MTUS1: variants seen among roughly 807,000 people sequenced by gnomAD.
MTUS1 encodes microtubule associated scaffold protein 1.
Under a neutral mutation model 120.8 loss-of-function variants are expected in MTUS1, and 109 were observed. The observed-to-expected ratio is 0.90, with a 90% CI of 0.77 to 1.06. The LOEUF (loss-of-function observed/expected upper bound fraction) is 1.06, where lower values mean the gene tolerates loss of function less well. Among genes scored for constraint, MTUS1 ranks in the 50% least tolerant of loss-of-function variants. The probability of loss-of-function intolerance (pLI) is 0.00; values close to 1 mark genes in which losing one functional copy is unlikely to be tolerated. For missense variants in MTUS1, 2,210 were observed against 1,486.3 expected, an observed-to-expected ratio of 1.49 and a Z score of -8.01; for synonymous variants, 737 against 550.5, an observed-to-expected ratio of 1.34 and a Z score of -4.74.
In MTUS1 at chr8:17,664,264, G is replaced by A. The variant is rs185233561; in HGVS notation, c.2906-8199C>T. 1.2e-3 allele frequency among the ~76,000 whole-genome samples: 181 copies of A among 152,260 alleles called. 2 individuals carry two copies. The highest frequency in any genetic ancestry group is 3.4e-3 in the Middle Eastern group (1 of 294). ...CGCAATAGAATTTTCCTAATTTGGA[G>A]GAGATTTTATGTAAATCAGAACTAA... On this transcript the variant is annotated intron_variant, in intron 8 of 14. Transcript: ENST00000693296.
chr8:17,751,992 C>A (rs554891728), intron 2 of MTUS1, among the ~76,000 whole-genome samples: 2 of 151,448 alleles, frequency 1.3e-5, no homozygotes, highest in African/African-American at 4.8e-5. Context: ...ATTATGAATC[C>A]TAACAGCCAG....
chr8:17,679,036 G>T (rs574358436), intron 7 of MTUS1, among the ~76,000 whole-genome samples: 1 of 152,316 alleles, frequency 6.6e-6, no homozygotes, highest in East Asian at 1.9e-4. Flanking sequence ...AAGAATGTCT[G>T]ATATGTAATG....
intron 2 of MTUS1, among the ~76,000 whole-genome samples, chr8:17,744,366 CCTTAT>C (rs899110896): frequency 1.7e-3 from 264 of 152,240 alleles, no homozygotes; most frequent in African/African-American, 6.3e-3. Flanking sequence ...CTCCACAGCC[CCTTAT>C]CTTATCTTAA....
chr8:17,696,971 G>A (rs970742908), intron 6 of MTUS1, among the ~76,000 whole-genome samples: 3 of 152,172 alleles, frequency 2.0e-5, no homozygotes, highest in Non-Finnish European at 4.4e-5. Context: ...AACAGGTGCT[G>A]ATTTTCACAC....
In MTUS1 at chr8:17,755,296, G is replaced by A. The variant is rs773216790; in HGVS notation, c.512C>T (p.Thr171Ile). ...TCCGATGGCATGATGTGATATAAAG[G>A]TGCAGTTAACTTTATCCACTGTCAT... Reference protein sequence around the residue: ...FDMTVDKVNCTFISHHAIGKS... With the variant: ...FDMTVDKVNCIFISHHAIGKS... The change falls in exon 2 of 15, where the codon ACC becomes ATC. Residue 171 changes from threonine to isoleucine, a missense_variant. Physicochemically the swap from Thr to Ile is moderately conservative, Grantham distance 89. Coordinates refer to ENST00000693296, the MANE Select transcript of MTUS1 (RefSeq NM_001363059.2). 6.2e-7 allele frequency: 1 copy of A among 1,613,980 alleles called. No homozygotes were observed. The highest frequency in any genetic ancestry group is 8.5e-7 in the Non-Finnish European group (1 of 1,179,984).
At chr8:17,706,541 G>A (rs1487249555) in intron 6 of MTUS1, among the ~76,000 whole-genome samples, 1 of 152,202 alleles carries the variant, frequency 6.6e-6, no homozygotes, top group Non-Finnish European at 1.5e-5. Context: ...AATATCCAAT[G>A]TTGACCCAAG....
chr8:17,684,374 G>A lies in MTUS1; in HGVS notation c.2792C>T (p.Thr931Ile), dbSNP rs756053573. The A allele has an allele frequency of 2.5e-6, 4 of 1,614,040 alleles. No individual in the cohort carries two copies. Among genetic ancestry groups the A allele is most frequent in the African/African-American group, 1.3e-5 (1 of 74,924 alleles). The stretch of plus-strand genomic sequence containing the variant: ...CACAACTGTCAATGCCTCAAACTTG[G>A]TATTACCACAGGCAAGAAGCTGCTT... The part of the protein sequence containing the change: ...QLKQLLACGN[T>I]KFEALTVVIQ... Residue 931 changes from threonine to isoleucine, a missense_variant, in exon 7 of 15, where the codon ACC becomes ATC. Transcript: ENST00000693296.
At chr8:17,670,822 T>TAAAAAAAAA (rs540891587) in intron 8 of MTUS1, among the ~76,000 whole-genome samples, 3,339 of 148,822 alleles carry the variant, frequency 0.022, 115 homozygotes, top group African/African-American at 0.079. Context: ...ACCCTGTCTT[T>TAAAAAAAAA]AAAAAAAAAA....
At chr8:17,789,604 T>C (rs2051601249) in intron 1 of MTUS1, among the ~76,000 whole-genome samples, 1 of 152,320 alleles carries the variant, frequency 6.6e-6, no homozygotes, top group East Asian at 1.9e-4. Flanking sequence ...TTTATGTGTG[T>C]GTAGTTACGC....
At chr8:17,693,217 G>A (rs892811053) in intron 6 of MTUS1, 7 of 152,132 alleles carry the variant, frequency 4.6e-5, no homozygotes, top group Non-Finnish European at 1.0e-4. Context: ...GAAATAGACC[G>A]AGTTTAATAC....
intron 6 of MTUS1, among the ~76,000 whole-genome samples, chr8:17,694,549 T>A (rs1291588926): frequency 6.6e-6 from 1 of 152,082 alleles, no homozygotes; most frequent in Non-Finnish European, 1.5e-5. Flanking sequence ...GCACCTGTAA[T>A]CCCAGCTACT....
intron 6 of MTUS1, among the ~76,000 whole-genome samples, chr8:17,700,426 T>C (rs7834243): frequency 0.62 from 88,506 of 143,598 alleles, 27,496 homozygotes; most frequent in Middle Eastern, 0.72. Flanking sequence ...GCAGAGATTG[T>C]GCCATTGCAC....
chr8:17,693,057 T>C (rs1476937846), intron 6 of MTUS1, among the ~76,000 whole-genome samples: 4 of 152,132 alleles, frequency 2.6e-5, no homozygotes, highest in Non-Finnish European at 5.9e-5. Flanking sequence ...CCTGTGAGGT[T>C]CAAATGGCAC....
At chr8:17,751,755 G>T (rs1020316286) in intron 2 of MTUS1, among the ~76,000 whole-genome samples, 2 of 151,200 alleles carry the variant, frequency 1.3e-5, no homozygotes, top group African/African-American at 4.9e-5. Context: ...CTACCTGGGA[G>T]GCTGAGGCAG....
intron 2 of MTUS1, among the ~76,000 whole-genome samples, chr8:17,752,637 TC>T (rs56264310): frequency 0.098 from 14,876 of 152,166 alleles, 815 homozygotes; most frequent in South Asian, 0.16. Context: ...TCCCTTGTGG[TC>T]CCCATGCACC....
At chr8:17,767,099 C>G (rs1418919150) in intron 1 of MTUS1, among the ~76,000 whole-genome samples, 1 of 141,734 alleles carries the variant, frequency 7.1e-6, no homozygotes, top group African/African-American at 2.6e-5. Flanking sequence ...AGAATAATGA[C>G]AAATGGTTTT....
intron 8 of MTUS1, among the ~76,000 whole-genome samples, chr8:17,661,561 G>T (rs78577948): frequency 6.6e-6 from 1 of 151,934 alleles, no homozygotes; most frequent in African/African-American, 2.4e-5. Context: ...TGTAATTGTG[G>T]CACATCAGCC....
intron 5 of MTUS1, among the ~76,000 whole-genome samples, chr8:17,713,980 C>G (rs138850371): frequency 2.6e-5 from 4 of 152,288 alleles, no homozygotes; most frequent in Admixed American, 1.3e-4. Context: ...TTTTAGAATT[C>G]TGAGTCTCCT....
chr8:17,647,231 G>C (rs1285265962), intron 13 of MTUS1, 152 bp from the exon 14 acceptor site: 13 of 586,038 alleles, frequency 2.2e-5, no homozygotes, highest in African/African-American at 1.9e-5. Flanking sequence ...CAAACATACT[G>C]AAAAAGATTT....
Sources: allele counts gnomAD v4.1 joint callset (sites outside exome capture counted in the v4.1 genomes callset), GRCh38; gene constraint gnomAD v4.1.1; transcripts MANE v1.5; gene names NCBI Gene and HGNC (gene_info 2026-07-23, HGNC 2026-07-21).